ALCAM: variants seen among roughly 807,000 people sequenced by gnomAD.
The protein encoded by ALCAM is activated leukocyte cell adhesion molecule.
A neutral mutation model predicts 70.9 loss-of-function variants in ALCAM; 30 were observed. That is an observed-to-expected ratio of 0.42 (90% CI 0.32 to 0.57). The LOEUF is 0.57. Among genes scored for constraint, ALCAM ranks in the 20% least tolerant of loss-of-function variants. The probability of loss-of-function intolerance (pLI) is 0.11; values close to 1 mark genes in which losing one functional copy is unlikely to be tolerated. For synonymous variants in ALCAM, 249 were observed against 242.5 expected (o/e 1.03, Z -0.25); for missense variants, 591 against 695.1 (o/e 0.85, Z 1.68).
chr3:105,520,458 C>T (rs1939506641), intron 2 of ALCAM, among the ~76,000 whole-genome samples: 1 of 152,150 alleles, frequency 6.6e-6, no homozygotes, highest in Non-Finnish European at 1.5e-5. Flanking sequence ...CAGAATAAAT[C>T]AGTGGATTAT....
intron 1 of ALCAM, among the ~76,000 whole-genome samples, chr3:105,414,454 T>C (rs1936461268): frequency 6.7e-6 from 1 of 149,752 alleles, no homozygotes; most frequent in South Asian, 2.1e-4. Context: ...TGAGATAGAA[T>C]AGGAAACTGT....
chr3:105,541,796 C>A, intron 8 of ALCAM, 31 bp downstream of exon 8: 8 of 1,609,998 alleles, frequency 5.0e-6, no homozygotes, highest in Non-Finnish European at 6.8e-6. Flanking sequence ...TCAGCAGCTT[C>A]ACCTCAAAGG....
chr3:105,530,837 T>C (rs576386413), intron 3 of ALCAM, among the ~76,000 whole-genome samples: 8 of 152,156 alleles, frequency 5.3e-5, no homozygotes, highest in East Asian at 3.9e-4. Context: ...TCTAAAGATA[T>C]CCATTTTGCT....
intron 3 of ALCAM, among the ~76,000 whole-genome samples, chr3:105,526,562 A>G (rs1939711801): frequency 6.6e-6 from 1 of 152,190 alleles, no homozygotes; most frequent in Non-Finnish European, 1.5e-5. Context: ...GCTGTGGGCC[A>G]GGGAGAATTT....
chr3:105,375,739 C>T (rs575778650), intron 1 of ALCAM, among the ~76,000 whole-genome samples: 27 of 152,156 alleles, frequency 1.8e-4, no homozygotes, highest in Non-Finnish European at 3.1e-4. Flanking sequence ...TCTCAGTAAT[C>T]ACACTACCAA....
chr3:105,463,257 CACA>C (rs1037739530), intron 1 of ALCAM, among the ~76,000 whole-genome samples: 9 of 151,408 alleles, frequency 5.9e-5, no homozygotes, highest in African/African-American at 1.9e-4. Flanking sequence ...ACTGCATCAG[CACA>C]ACATTATCTC....
intron 3 of ALCAM, among the ~76,000 whole-genome samples, chr3:105,530,266 A>T (rs1939805816): frequency 6.6e-6 from 1 of 152,040 alleles, no homozygotes; most frequent in Non-Finnish European, 1.5e-5. Context: ...TAAAACGTGG[A>T]TTCCAAATAA....
At chr3:105,393,638 C>A (rs1034918998) in intron 1 of ALCAM, among the ~76,000 whole-genome samples, 1 of 151,762 alleles carries the variant, frequency 6.6e-6, no homozygotes, top group Admixed American at 6.6e-5. Flanking sequence ...TTTGCTAACT[C>A]CTGGTATAAA....
intron 14 of ALCAM, among the ~76,000 whole-genome samples, chr3:105,567,258 G>C (rs1024439310): frequency 5.9e-5 from 9 of 152,088 alleles, no homozygotes; most frequent in Non-Finnish European, 1.2e-4. Context: ...GGACTTCTGA[G>C]CATTTTGGAT....
chr3:105,486,526 T>C (rs1343761027), intron 1 of ALCAM, among the ~76,000 whole-genome samples: 1 of 152,152 alleles, frequency 6.6e-6, no homozygotes, highest in Non-Finnish European at 1.5e-5. Flanking sequence ...AATTGTACAA[T>C]ACAGTCCATA....
intron 1 of ALCAM, among the ~76,000 whole-genome samples, chr3:105,382,455 A>G (rs1378863067): frequency 1.3e-5 from 2 of 152,152 alleles, no homozygotes; most frequent in Admixed American, 6.6e-5. Context: ...GTATATACCC[A>G]GTAATGGGAT....
chr3:105,389,398 T>TTTTTTTTC, intron 1 of ALCAM, among the ~76,000 whole-genome samples: 1 of 127,822 alleles, frequency 7.8e-6, no homozygotes, highest in Non-Finnish European at 1.7e-5. Flanking sequence ...TTTTTTTTTT[T>TTTTTTTTC]CTAAAAAACA....
At chr3:105,571,790 T>A in intron 14 of ALCAM, 62 bp from the exon 15 acceptor site, 1 of 1,241,804 alleles carries the variant, frequency 8.1e-7, no homozygotes, top group Non-Finnish European at 1.1e-6. Context: ...AATCTTAAAA[T>A]TAAATATAAA....
chr3:105,376,947 A>G (rs1935393811), intron 1 of ALCAM, among the ~76,000 whole-genome samples: 1 of 152,188 alleles, frequency 6.6e-6, no homozygotes, highest in African/African-American at 2.4e-5. Flanking sequence ...GAAGTTGTTC[A>G]AATACTTTCC....
chr3:105,561,485 C>T (rs1940630772), intron 14 of ALCAM, among the ~76,000 whole-genome samples: 1 of 152,016 alleles, frequency 6.6e-6, no homozygotes, highest in Non-Finnish European at 1.5e-5. Context: ...CAATAGTTAC[C>T]ATTATGTACG....
intron 1 of ALCAM, among the ~76,000 whole-genome samples, chr3:105,421,787 G>A (rs1275094733): frequency 6.6e-6 from 1 of 151,358 alleles, no homozygotes; most frequent in South Asian, 2.1e-4. Context: ...GGGTCTCAGT[G>A]TTGAACAATT....
chr3:105,556,616 C>T (rs538443061), intron 14 of ALCAM, among the ~76,000 whole-genome samples: 18 of 151,966 alleles, frequency 1.2e-4, no homozygotes, highest in African/African-American at 3.6e-4. Flanking sequence ...AACACTGAAA[C>T]CTCAATAAAC....
intron 12 of ALCAM, among the ~76,000 whole-genome samples, chr3:105,551,907 G>A (rs1053106353): frequency 7.9e-5 from 12 of 151,334 alleles, no homozygotes; most frequent in Non-Finnish European, 1.5e-4. Flanking sequence ...CATCAGTTAT[G>A]AAATTTTCTA....
At chr3:105,414,193 G>A (rs1003045764) in intron 1 of ALCAM, among the ~76,000 whole-genome samples, 1 of 151,080 alleles carries the variant, frequency 6.6e-6, no homozygotes, top group African/African-American at 2.4e-5. Context: ...GAGCCCAGGA[G>A]TTTGCCACCA....
Sources: allele counts gnomAD v4.1 joint callset (sites outside exome capture counted in the v4.1 genomes callset), GRCh38; gene constraint gnomAD v4.1.1; transcripts MANE v1.5; gene names NCBI Gene and HGNC (gene_info 2026-07-23, HGNC 2026-07-21).